The following BCAS3 variants were observed in gnomAD, a reference collection of about 807,000 sequenced individuals.
BCAS3 encodes BCAS4/BCAS3 fusion.
BCAS3 carries 53 observed loss-of-function variants against 116.1 expected under a neutral mutation model. The observed-to-expected ratio is 0.46, with a 90% CI of 0.37 to 0.57. The LOEUF (loss-of-function observed/expected upper bound fraction) is 0.57. Among genes scored for constraint, BCAS3 ranks in the 20% least tolerant of loss-of-function variants. The pLI is 0.00. For missense variants in BCAS3, 917 were observed against 1,165.4 expected, an observed-to-expected ratio of 0.79 and a Z score of 3.10; for synonymous variants, 391 against 408.2, an observed-to-expected ratio of 0.96 and a Z score of 0.51.
In BCAS3 at chr17:61,140,074, A is replaced by T. The variant is rs2076837983; in HGVS notation, c.2425+55510A>T. The stretch of plus-strand genomic sequence containing the variant: ...AATATAGTGAAACCCCATCTCTACT[A>T]AAAATACAAAAAATTAGCTGGGCGT... On this transcript the variant is annotated intron_variant, in intron 22 of 23. Coordinates refer to ENST00000407086, the MANE Select transcript of BCAS3 (RefSeq NM_017679.5). This position sits in a 1 kb window ranked among gnomAD's most constrained non-coding sequence, Gnocchi z 4.2. 6.6e-6 allele frequency among the ~76,000 whole-genome samples: 1 copy of T among 152,134 alleles called. No individual in the cohort carries two copies. Among genetic ancestry groups the T allele is most frequent in the Admixed American group, 6.5e-5 (1 of 15,280 alleles).
In BCAS3 at chr17:61,203,085, TTTTA is replaced by T. The variant is rs1248411546; in HGVS notation, c.2425+118531_2425+118534del. On this transcript the variant is annotated intron_variant, in intron 22 of 23. Transcript: ENST00000407086. The surrounding 1 kb of genome is among the most constrained non-coding windows in gnomAD (Gnocchi z 5.7). Reference sequence around the variant, plus strand: ...AAAAAATTATTTAAGTTACATTAAATTTTATTTATTTATGTGTAGCTCCTAGATC... The same window carrying T: ...AAAAAATTATTTAAGTTACATTAAATTTTATTTATGTGTAGCTCCTAGATC... Among the ~76,000 whole-genome samples, 5 of 152,190 alleles carry T rather than the reference TTTTA, an allele frequency of 3.3e-5. No homozygotes were observed. Among genetic ancestry groups the T allele is most frequent in the Admixed American group, 2.0e-4 (3 of 15,276 alleles).
intron 19 of BCAS3, chr17:61,070,366 A>AATTTATAT: frequency 3.2e-6 from 1 of 311,128 alleles, no homozygotes; most frequent in Non-Finnish European, 6.5e-6. Context: ...CCTAATTCTG[A>AATTTATAT]ATATATATAT....
intron 11 of BCAS3, among the ~76,000 whole-genome samples, chr17:60,910,173 C>T (rs2058415994): frequency 6.6e-6 from 1 of 152,060 alleles, no homozygotes; most frequent in Non-Finnish European, 1.5e-5. Flanking sequence ...CTACTTCTTC[C>T]TATGTCATTG....
At position 61,008,688 on chromosome 17, in the gene BCAS3, CAAAAAAT is replaced by C. The variant is rs932126268; in HGVS notation, c.1487-7049_1487-7043del. On this transcript the variant is annotated intron_variant, in intron 15 of 23. Transcript: ENST00000407086. The surrounding 1 kb of genome is among the most constrained non-coding windows in gnomAD (Gnocchi z 4.6). ...TCTTCTGTAGAAGACAAAAGTTTAC[CAAAAAAT>C]AAAAAATAAAAAAATAAAAAAAAAG... Among the ~76,000 whole-genome samples, 3 of 148,324 alleles carry C rather than the reference CAAAAAAT, an allele frequency of 2.0e-5. No homozygotes were observed. Among genetic ancestry groups the C allele is most frequent in the African/African-American group, 5.0e-5 (2 of 40,342 alleles).
chr17:61,033,979 G>A (rs2066833744), intron 16 of BCAS3, among the ~76,000 whole-genome samples: 1 of 152,168 alleles, frequency 6.6e-6, no homozygotes, highest in Non-Finnish European at 1.5e-5. Flanking sequence ...AGAGGCTATT[G>A]ATATGTAATT....
At chr17:61,154,140 GT>G (rs1191834714) in intron 22 of BCAS3, among the ~76,000 whole-genome samples, 4 of 152,124 alleles carry the variant, frequency 2.6e-5, no homozygotes, top group Non-Finnish European at 4.4e-5. Context: ...CCTTCCTTCA[GT>G]TTGTTTTCTT....
intron 6 of BCAS3, among the ~76,000 whole-genome samples, chr17:60,807,638 C>T (rs1308661552): frequency 2.6e-5 from 4 of 151,952 alleles, no homozygotes; most frequent in African/African-American, 7.3e-5. Context: ...AAAAATTAGC[C>T]GGGCATGGTG....
In BCAS3 at chr17:61,051,998, T is replaced by C. The variant is rs1398782450; in HGVS notation, c.2029+11106T>C. On this transcript the variant is annotated intron_variant, in intron 19 of 23. Transcript: ENST00000407086. The surrounding 1 kb of genome is among the most constrained non-coding windows in gnomAD (Gnocchi z 4.1). Reference sequence around the variant, plus strand: ...TATAAAATCAGTGAAACAGAAAACATAAAAACAATAGAGAAAAAGCAATGA... The same window carrying C: ...TATAAAATCAGTGAAACAGAAAACACAAAAACAATAGAGAAAAAGCAATGA... Among the ~76,000 whole-genome samples the C allele has an allele frequency of 3.3e-5, 5 of 151,898 alleles. No individual in the cohort carries two copies. Among genetic ancestry groups the C allele is most frequent in the Admixed American group, 6.6e-5 (1 of 15,246 alleles).
chr17:60,855,300 C>G (rs1397868290), intron 7 of BCAS3, among the ~76,000 whole-genome samples: 1 of 151,104 alleles, frequency 6.6e-6, no homozygotes, highest in Non-Finnish European at 1.5e-5. Flanking sequence ...CCTTCTTACT[C>G]TGGTGGTTCG....
At chr17:61,038,682 T>TTGTTTTTG (rs1202856055) in intron 18 of BCAS3, among the ~76,000 whole-genome samples, 1,778 of 146,646 alleles carry the variant, frequency 0.012, 43 homozygotes, top group African/African-American at 0.042. Context: ...TTTTTTTTTT[T>TTGTTTTTG]TTTTTGGAGA....
At position 61,344,012 on chromosome 17, in the gene BCAS3, CAAG is replaced by C. The variant is rs1036450849; in HGVS notation, c.2426-24311_2426-24309del. On this transcript the variant is annotated intron_variant, in intron 22 of 23. Coordinates refer to ENST00000407086, the MANE Select transcript of BCAS3 (RefSeq NM_017679.5). The surrounding 1 kb of genome is among the most constrained non-coding windows in gnomAD (Gnocchi z 4.1). ...AGTTGGCCAGATGAAATGTGGTTGGCAAGAAGGTCCTGAGTGTGCTGAGACAGG... is the reference window on the plus strand; with the variant it reads ...AGTTGGCCAGATGAAATGTGGTTGGCAAGGTCCTGAGTGTGCTGAGACAGG... 2.0e-5 allele frequency among the ~76,000 whole-genome samples: 3 copies of C among 152,128 alleles called. No homozygotes were observed. The highest frequency in any genetic ancestry group is 7.2e-5 in the African/African-American group (3 of 41,478).
At chr17:61,372,388 T>C (rs1471264536) in intron 23 of BCAS3, among the ~76,000 whole-genome samples, 1 of 152,236 alleles carries the variant, frequency 6.6e-6, no homozygotes, top group African/African-American at 2.4e-5. Flanking sequence ...TCTCTCTCAG[T>C]ACCTGGCAAT....
intron 7 of BCAS3, among the ~76,000 whole-genome samples, chr17:60,866,692 T>A (rs2054625246): frequency 6.6e-6 from 1 of 152,212 alleles, no homozygotes; most frequent in South Asian, 2.1e-4. Context: ...AAATTATCTT[T>A]ATGTGTAGAT....
intron 22 of BCAS3, among the ~76,000 whole-genome samples, chr17:61,271,109 G>GATCCAA (rs1457664648): frequency 6.7e-6 from 1 of 149,706 alleles, no homozygotes; most frequent in Admixed American, 6.7e-5. Flanking sequence ...GTAAGGGAAG[G>GATCCAA]ATCCAACTTT....
intron 6 of BCAS3, among the ~76,000 whole-genome samples, chr17:60,751,028 T>C (rs971497107): frequency 1.3e-5 from 2 of 152,216 alleles, no homozygotes; most frequent in African/African-American, 4.8e-5. Flanking sequence ...TATAATACTT[T>C]GCAATTTAAG....
rs1464886299 is a variant in BCAS3 at position 61,362,005 on chromosome 17, C to T, written c.2426-6322C>T. On this transcript the variant is annotated intron_variant, in intron 22 of 23. Coordinates refer to ENST00000407086, the MANE Select transcript of BCAS3 (RefSeq NM_017679.5). The surrounding 1 kb of genome is among the most constrained non-coding windows in gnomAD (Gnocchi z 4.4). ...GAATGCTAATCTCTCCCAGAAACAC[C>T]CCCCAGACACACCCAGAAATAAGCC... 6.6e-6 allele frequency: 1 copy of T among 152,572 alleles called. No homozygotes were observed. The highest frequency in any genetic ancestry group is 1.5e-5 in the Non-Finnish European group (1 of 68,122). 9.5% of individuals were successfully genotyped at this position (152,572 alleles called of 1,614,324 possible).
intron 22 of BCAS3, among the ~76,000 whole-genome samples, chr17:61,125,645 C>T (rs1370076773): frequency 6.6e-6 from 1 of 152,136 alleles, no homozygotes; most frequent in Admixed American, 6.5e-5. Flanking sequence ...TGCTCACCAA[C>T]AGAGTACTTT....
rs537928190 is a variant in BCAS3, at chr17:61,134,280, TAA to T, written c.2425+49720_2425+49721del. 7.6e-4 allele frequency among the ~76,000 whole-genome samples: 116 copies of T among 152,196 alleles called. No homozygotes were observed. Among genetic ancestry groups the T allele is most frequent in the South Asian group, 6.2e-4 (3 of 4,824 alleles). On this transcript the variant is annotated intron_variant, in intron 22 of 23. Coordinates refer to ENST00000407086, the MANE Select transcript of BCAS3 (RefSeq NM_017679.5). This position sits in a 1 kb window ranked among gnomAD's most constrained non-coding sequence, Gnocchi z 4.6. ...TAGTAGTGAACACTTGTTGATTTTT[TAA>T]AAATCAACTGTTAGGCACTGTGCTC...
intron 22 of BCAS3, among the ~76,000 whole-genome samples, chr17:61,206,117 G>A (rs1030205359): frequency 2.0e-5 from 3 of 152,120 alleles, no homozygotes; most frequent in Non-Finnish European, 4.4e-5. Context: ...GTTTGTATAG[G>A]CCCCTCTGTT....
Sources: gnomAD v4.1 joint callset for allele counts (sites outside exome capture counted in the v4.1 genomes callset) on GRCh38, gnomAD v4.1.1 for gene constraint, Gnocchi (gnomAD v3.1) non-coding constraint, MANE v1.5 for transcripts, NCBI Gene and HGNC (gene_info 2026-07-23, HGNC 2026-07-21) for gene names.